The following IMPA2 variants were observed in gnomAD, a reference collection of about 807,000 sequenced individuals.
IMPA2 encodes inositol monophosphatase 2.
In IMPA2, 32 loss-of-function variants were observed where a neutral mutation model predicts 35.1. The observed-to-expected ratio is 0.91, with a 90% CI of 0.69 to 1.23. The LOEUF is 1.23. Among genes scored for constraint, IMPA2 ranks in the 50% most tolerant of loss-of-function variants. IMPA2 has a pLI of 0.00. For missense variants in IMPA2, 334 were observed against 387.6 expected, an observed-to-expected ratio of 0.86 and a Z score of 1.16; for synonymous variants, 135 against 160.6, an observed-to-expected ratio of 0.84 and a Z score of 1.20.
At chr18:12,020,224 G>A (rs576884444) in intron 5 of IMPA2, among the ~76,000 whole-genome samples, 32 of 151,266 alleles carry the variant, frequency 2.1e-4, no homozygotes, top group South Asian at 4.2e-4. Flanking sequence ...ATGGAGTTTC[G>A]CTCTTGTTGC....
rs1052260409 is a variant in IMPA2 at position 12,010,110 on chromosome 18, T to C, written c.335+123T>C. 10 of 611,106 alleles carry C rather than the reference T, an allele frequency of 1.6e-5. No individual in the cohort carries two copies. The highest frequency in any genetic ancestry group is 1.5e-4 in the African/African-American group (8 of 53,710). 37.9% of individuals were successfully genotyped at this position (611,106 alleles called of 1,614,324 possible). On this transcript the variant is annotated intron_variant, in intron 3 of 7. Coordinates refer to ENST00000269159, the MANE Select transcript of IMPA2 (RefSeq NM_014214.3). This position sits in a 1 kb window ranked among gnomAD's most constrained non-coding sequence, Gnocchi z 4.8. ...TATAAACAAACCTATAGTACACTCA[T>C]AGTCTCATCAGAAAGATGATCAGAT...
In IMPA2 at chr18:12,014,247, T is replaced by G. The variant is rs1416049894; in HGVS notation, c.382-18T>G. On this transcript the variant is annotated intron_variant, in intron 4 of 7. Transcript: ENST00000269159. ...AGTGAACCATCTTTGTTTTCTGTCC[T>G]GCCTCTGCCGCCCACAGCTTGAATT... 1.9e-6 allele frequency: 3 copies of G among 1,581,424 alleles called. No individual in the cohort carries two copies. Among genetic ancestry groups the G allele is most frequent in the Non-Finnish European group, 1.7e-6 (2 of 1,150,458 alleles).
At chr18:12,007,808 A>G (rs187050488) in intron 2 of IMPA2, among the ~76,000 whole-genome samples, 1 of 137,324 alleles carries the variant, frequency 7.3e-6, no homozygotes, top group Admixed American at 7.8e-5. Flanking sequence ...ATGGAATCTC[A>G]CTCTTGTCAC....
intron 2 of IMPA2, among the ~76,000 whole-genome samples, chr18:12,003,726 T>C (rs1395430019): frequency 6.6e-6 from 1 of 151,370 alleles, no homozygotes; most frequent in Non-Finnish European, 1.5e-5. Flanking sequence ...ATTGGGTCTT[T>C]GGAGTGTGCT....
intron 1 of IMPA2, among the ~76,000 whole-genome samples, chr18:11,989,774 T>A (rs1045025103): frequency 6.6e-6 from 1 of 152,130 alleles, no homozygotes; most frequent in African/African-American, 2.4e-5. Flanking sequence ...GAGTGAGTCC[T>A]GGACTCTGTG....
At chr18:12,019,853 T>G (rs1405789504) in intron 5 of IMPA2, among the ~76,000 whole-genome samples, 1 of 152,036 alleles carries the variant, frequency 6.6e-6, no homozygotes, top group Non-Finnish European at 1.5e-5. Context: ...CTTACAGTGT[T>G]AGATACGATT....
chr18:11,995,365 G>A (rs1906931910), intron 1 of IMPA2, among the ~76,000 whole-genome samples: 1 of 152,228 alleles, frequency 6.6e-6, no homozygotes, highest in Admixed American at 6.5e-5. Flanking sequence ...CTTGCTTTCA[G>A]TCCCATCCTC....
At chr18:11,988,192 G>A (rs1179163426) in intron 1 of IMPA2, among the ~76,000 whole-genome samples, 1 of 151,906 alleles carries the variant, frequency 6.6e-6, no homozygotes, top group Admixed American at 6.6e-5. Flanking sequence ...TTTTAGTAGA[G>A]ATGGGGTTTC....
At chr18:11,983,896 G>C (rs1173929232) in intron 1 of IMPA2, among the ~76,000 whole-genome samples, 1 of 152,158 alleles carries the variant, frequency 6.6e-6, no homozygotes, top group African/African-American at 2.4e-5. Flanking sequence ...CAGATGACCT[G>C]GTTCGGGGTG....
At position 11,991,975 on chromosome 18, in the gene IMPA2, C is replaced by G. The variant is rs1906828307; in HGVS notation, c.97-7079C>G. On this transcript the variant is annotated intron_variant, in intron 1 of 7. Coordinates refer to ENST00000269159, the MANE Select transcript of IMPA2 (RefSeq NM_014214.3). The surrounding 1 kb of genome is among the most constrained non-coding windows in gnomAD (Gnocchi z 4.1). The stretch of plus-strand genomic sequence containing the variant: ...TCTCCTACCTCAGCCCCCTGAGTAG[C>G]TGGGATTATAGGCGTGTGCCAGCAC... Among the ~76,000 whole-genome samples, 1 of 152,116 alleles carries G rather than the reference C, an allele frequency of 6.6e-6. No individual in the cohort carries two copies. The highest frequency in any genetic ancestry group is 6.5e-5 in the Admixed American group (1 of 15,278).
At chr18:12,024,080 G>A (rs746818270) in intron 5 of IMPA2, among the ~76,000 whole-genome samples, 5 of 152,142 alleles carry the variant, frequency 3.3e-5, no homozygotes, top group East Asian at 1.9e-4. Flanking sequence ...AATGAAAATT[G>A]TTCATCTTCA....
At position 11,991,846 on chromosome 18, in the gene IMPA2, A is replaced by AT. The variant is rs11390149; in HGVS notation, c.97-7193dup. ...TGCCCTCGCAGAAACACCCAGAACAATTTTTTTTTTTTTTTGAGATGGAGC... is the reference window on the plus strand; with the variant it reads ...TGCCCTCGCAGAAACACCCAGAACAATTTTTTTTTTTTTTTTGAGATGGAGC... On this transcript the variant is annotated intron_variant, in intron 1 of 7. Transcript: ENST00000269159. The surrounding 1 kb of genome is among the most constrained non-coding windows in gnomAD (Gnocchi z 4.1). Among the ~76,000 whole-genome samples, 5,100 of 144,034 alleles carry AT rather than the reference A, an allele frequency of 0.035. 152 individuals carry two copies. The highest frequency in any genetic ancestry group is 0.08 in the African/African-American group (3,161 of 39,302). 94.5% of individuals were successfully genotyped at this position (144,034 alleles called of 152,430 possible).
At chr18:12,026,260 C>T (rs1907880334) in intron 5 of IMPA2, among the ~76,000 whole-genome samples, 1 of 151,968 alleles carries the variant, frequency 6.6e-6, no homozygotes, top group Non-Finnish European at 1.5e-5. Context: ...CTTGAACTCC[C>T]AGCCTCAGGT....
In IMPA2 at chr18:12,030,531, GC is replaced by G; in HGVS notation, c.*76del. 1.7e-6 allele frequency: 2 copies of G among 1,207,358 alleles called. No individual in the cohort carries two copies. Among genetic ancestry groups the G allele is most frequent in the Non-Finnish European group, 1.2e-6 (1 of 817,436 alleles). The allele number at this position is 1,207,358 out of a possible 1,614,324, so 74.8% of individuals were successfully genotyped here. A position where few individuals can be genotyped will look rare whatever the true frequency, so the allele number is the denominator to read the frequency against. ...GGCTCCTGGGGAGGTGGCCCTCGTGGCCCACGCTCCATGCCAGTGGCTCACG... is the reference window on the plus strand; with the variant it reads ...GGCTCCTGGGGAGGTGGCCCTCGTGGCCACGCTCCATGCCAGTGGCTCACG... On this transcript the variant is annotated 3_prime_UTR_variant, in exon 8 of 8. Transcript: ENST00000269159.
At chr18:12,011,937 T>C (rs1016179734) in intron 3 of IMPA2, among the ~76,000 whole-genome samples, 4 of 152,280 alleles carry the variant, frequency 2.6e-5, no homozygotes, top group African/African-American at 9.6e-5. Context: ...ATCAGTCTTA[T>C]GTGACTTTCA....
rs1482818784 is a variant in IMPA2 at position 12,030,122 on chromosome 18, G to T, written c.752-221G>T. Among the ~76,000 whole-genome samples, 4 of 152,340 alleles carry T rather than the reference G, an allele frequency of 2.6e-5. No individual in the cohort carries two copies. In the East Asian group the frequency reaches 7.7e-4, roughly 29 times the overall value. ...TCAGAGCCGCACTCTGTTCTGTGCAGCCCTTGACTGCATTCACACTGGGGT... is the reference window on the plus strand; with the variant it reads ...TCAGAGCCGCACTCTGTTCTGTGCATCCCTTGACTGCATTCACACTGGGGT... On this transcript the variant is annotated intron_variant, in intron 7 of 7. Transcript: ENST00000269159.
chr18:12,016,378 G>T (rs892190107), intron 5 of IMPA2, among the ~76,000 whole-genome samples: 2 of 151,688 alleles, frequency 1.3e-5, no homozygotes, highest in Non-Finnish European at 2.9e-5. Context: ...TCAGCAGCAC[G>T]GTCTCTTGGC....
chr18:12,020,993 C>T (rs1428851213), intron 5 of IMPA2, among the ~76,000 whole-genome samples: 2 of 136,146 alleles, frequency 1.5e-5, no homozygotes, highest in African/African-American at 5.4e-5. Flanking sequence ...CATTGGATTC[C>T]TGGGCTTTGG....
intron 7 of IMPA2, among the ~76,000 whole-genome samples, chr18:12,029,626 G>C (rs1907990537): frequency 6.6e-6 from 1 of 151,102 alleles, no homozygotes; most frequent in Non-Finnish European, 1.5e-5. Flanking sequence ...TTGCCATGTT[G>C]GTCAGGCTGG....
Sources: allele counts gnomAD v4.1 joint callset (sites outside exome capture counted in the v4.1 genomes callset), GRCh38; gene constraint gnomAD v4.1.1; non-coding constraint Gnocchi (gnomAD v3.1); transcripts MANE v1.5; gene names NCBI Gene and HGNC (gene_info 2026-07-23, HGNC 2026-07-21).